ATF1: variants seen among roughly 807,000 people sequenced by gnomAD.
The protein encoded by ATF1 is activating transcription factor 1.
ATF1 carries 16 observed loss-of-function variants against 34.7 expected under a neutral mutation model. The ratio of observed to expected loss-of-function variants is 0.46; its 90% CI spans 0.31 to 0.70. The LOEUF (loss-of-function observed/expected upper bound fraction) is 0.70. Among genes scored for constraint, ATF1 ranks in the 30% least tolerant of loss-of-function variants. The pLI is 0.05. For synonymous variants in ATF1, 105 were observed against 113.1 expected (o/e 0.93, Z 0.46); for missense variants, 255 against 321.6 (o/e 0.79, Z 1.58).
intron 3 of ATF1, among the ~76,000 whole-genome samples, chr12:50,808,377 G>C (rs1219983736): frequency 6.6e-6 from 1 of 151,718 alleles, no homozygotes; most frequent in African/African-American, 2.4e-5. Context: ...GCCCAGGCTG[G>C]GGGTACAGTG....
Position 50,814,360 on chromosome 12 carries a change from TCTC to T in ATF1, c.595_597del (p.Pro199del), listed in dbSNP as rs1941799569. ...TCTGCCACAAACTGTGGTGATGACA[TCTC>T]CTGTGACTCTCACCTCTCAGACAAC... On this transcript the variant is annotated inframe_deletion, in exon 6 of 7. Coordinates refer to ENST00000262053, the MANE Select transcript of ATF1 (RefSeq NM_005171.5). 1.9e-6 allele frequency: 3 copies of T among 1,614,044 alleles called. No individual in the cohort carries two copies. The highest frequency in any genetic ancestry group is 2.5e-6 in the Non-Finnish European group (3 of 1,179,960).
intron 1 of ATF1, among the ~76,000 whole-genome samples, chr12:50,772,318 C>CTTTTTTTTTTTTTT: frequency 8.6e-6 from 1 of 116,032 alleles, no homozygotes; most frequent in Non-Finnish European, 1.9e-5. Flanking sequence ...TGCTCCATTC[C>CTTTTTTTTTTTTTT]TTTTTTTTTT....
intron 3 of ATF1, among the ~76,000 whole-genome samples, chr12:50,797,918 C>T (rs1654899711): frequency 6.6e-6 from 1 of 152,108 alleles, no homozygotes; most frequent in South Asian, 2.1e-4. Flanking sequence ...TGGCTCACGC[C>T]TGTAATCCCA....
At chr12:50,819,579 C>A (rs951500685) in intron 6 of ATF1, 56 bp from the exon 7 acceptor site, 26 of 1,573,278 alleles carry the variant, frequency 1.7e-5, no homozygotes, top group Non-Finnish European at 2.1e-5. Flanking sequence ...AGAACATTTA[C>A]CATTTAAAGA....
intron 2 of ATF1, among the ~76,000 whole-genome samples, chr12:50,791,947 G>A (rs1361881060): frequency 1.3e-5 from 2 of 152,102 alleles, no homozygotes; most frequent in African/African-American, 2.4e-5. Context: ...GCTGCCCGAA[G>A]TTGGTGTTTC....
intron 2 of ATF1, among the ~76,000 whole-genome samples, chr12:50,793,056 A>G (rs1368746551): frequency 6.6e-6 from 1 of 152,170 alleles, no homozygotes; most frequent in Non-Finnish European, 1.5e-5. Flanking sequence ...AAGAAAAGCT[A>G]TATTCCTCCT....
chr12:50,795,182 A>T (rs1252804460), intron 2 of ATF1, among the ~76,000 whole-genome samples: 1 of 152,176 alleles, frequency 6.6e-6, no homozygotes, highest in Non-Finnish European at 1.5e-5. Flanking sequence ...TCTTTATTTT[A>T]TCTCAGCTTG....
chr12:50,764,044 CCCCCT>C (rs1240786652), upstream of ATF1: 9 of 151,414 alleles, frequency 5.9e-5, no homozygotes, highest in Non-Finnish European at 8.9e-5. Flanking sequence ...TCAGTTTTGC[CCCCCT>C]CCCCTCCCCC....
At chr12:50,809,694 T>C (rs1941694662) in intron 4 of ATF1, 105 bp downstream of exon 4, 1 of 1,223,132 alleles carries the variant, frequency 8.2e-7, no homozygotes, top group Non-Finnish European at 1.1e-6. Context: ...GTGATGATTA[T>C]TAAAGGATGT....
intron 1 of ATF1, among the ~76,000 whole-genome samples, chr12:50,778,125 G>A (rs1200199925): frequency 6.6e-6 from 1 of 151,598 alleles, no homozygotes; most frequent in African/African-American, 2.4e-5. Context: ...TATGTTGCCA[G>A]GTCTGGTCTC....
intron 2 of ATF1, among the ~76,000 whole-genome samples, chr12:50,793,029 A>G (rs904119855): frequency 2.6e-5 from 4 of 152,036 alleles, no homozygotes; most frequent in African/African-American, 9.7e-5. Flanking sequence ...TCTCGTTTTT[A>G]GAAGCAGCTC....
chr12:50,812,467 T>C (rs1592202215), intron 4 of ATF1, among the ~76,000 whole-genome samples: 1 of 152,130 alleles, frequency 6.6e-6, no homozygotes, highest in African/African-American at 2.4e-5. Flanking sequence ...TAAATAAATG[T>C]GTATGTGTAT....
chr12:50,783,657 C>T (rs997625642), intron 2 of ATF1, among the ~76,000 whole-genome samples: 1 of 151,528 alleles, frequency 6.6e-6, no homozygotes, highest in Non-Finnish European at 1.5e-5. Flanking sequence ...ATCACGAGGG[C>T]AGGAGTTCAA....
chr12:50,808,529 A>C (rs1941665076), intron 3 of ATF1, among the ~76,000 whole-genome samples: 1 of 151,668 alleles, frequency 6.6e-6, no homozygotes, highest in Non-Finnish European at 1.5e-5. Context: ...GGGTATCACC[A>C]TGTTGGCCAG....
chr12:50,791,353 C>T (rs1170201044), intron 2 of ATF1, among the ~76,000 whole-genome samples: 6 of 152,014 alleles, frequency 3.9e-5, no homozygotes, highest in Non-Finnish European at 8.8e-5. Context: ...GTCAGGAGTT[C>T]GAGACCAGCC....
intron 6 of ATF1, among the ~76,000 whole-genome samples, chr12:50,818,926 G>A (rs1398886891): frequency 6.6e-6 from 1 of 152,166 alleles, no homozygotes; most frequent in Non-Finnish European, 1.5e-5. Flanking sequence ...ATTTCTATAT[G>A]TATATAAACT....
At chr12:50,774,557 A>T (rs1940863412) in intron 1 of ATF1, among the ~76,000 whole-genome samples, 1 of 152,176 alleles carries the variant, frequency 6.6e-6, no homozygotes. Flanking sequence ...TCGTACATAT[A>T]AAATTTATTC....
chr12:50,783,679 C>T (rs1941120775), intron 2 of ATF1, among the ~76,000 whole-genome samples: 1 of 151,358 alleles, frequency 6.6e-6, no homozygotes, highest in East Asian at 1.9e-4. Flanking sequence ...ACCAGCCTGG[C>T]CAAGATGGTG....
intron 2 of ATF1, among the ~76,000 whole-genome samples, chr12:50,788,687 C>T (rs1941238779): frequency 6.6e-6 from 1 of 152,088 alleles, no homozygotes; most frequent in Admixed American, 6.5e-5. Context: ...ATTTCTAACT[C>T]CAAAAACACT....
Sources: gnomAD v4.1 joint callset for allele counts (sites outside exome capture counted in the v4.1 genomes callset) on GRCh38, gnomAD v4.1.1 for gene constraint, MANE v1.5 for transcripts, NCBI Gene and HGNC (gene_info 2026-07-23, HGNC 2026-07-21) for gene names.